Variants in MAMDC2 observed in about 807,000 individuals in gnomAD.
The protein encoded by MAMDC2 is MAM domain containing 2.
A neutral mutation model predicts 89.8 loss-of-function variants in MAMDC2; 57 were observed. That is an observed-to-expected ratio of 0.63 (90% CI 0.51 to 0.79). MAMDC2 has a LOEUF of 0.79. MAMDC2 is among the 30% of genes least tolerant of loss of function. The pLI is 0.00. For missense variants in MAMDC2, 800 were observed against 820.6 expected (o/e 0.97, Z 0.31); for synonymous variants, 313 against 293.4 (o/e 1.07, Z -0.68).
intron 11 of MAMDC2, among the ~76,000 whole-genome samples, chr9:70,210,345 A>G (rs189046907): frequency 1.4e-3 from 213 of 152,200 alleles, no homozygotes; most frequent in Admixed American, 3.1e-3. Flanking sequence ...TATATTTAGG[A>G]TAGTTAGTTC....
intron 4 of MAMDC2, among the ~76,000 whole-genome samples, chr9:70,111,383 C>T (rs184006086): frequency 1.3e-5 from 2 of 152,298 alleles, no homozygotes; most frequent in Admixed American, 6.5e-5. Context: ...GATGCCAACA[C>T]TTTTATCTTG....
At chr9:70,047,452 G>A (rs1470328954) in intron 2 of MAMDC2, among the ~76,000 whole-genome samples, 1 of 152,102 alleles carries the variant, frequency 6.6e-6, no homozygotes, top group Non-Finnish European at 1.5e-5. Flanking sequence ...AACATGAGGT[G>A]TTTGGTTTTC....
chr9:70,092,844 A>G (rs2118184170), intron 2 of MAMDC2: 1 of 152,116 alleles, frequency 6.6e-6, no homozygotes, highest in African/African-American at 2.4e-5. Context: ...CTTCATTTAA[A>G]CTCTTATTTC....
At chr9:70,201,867 G>C (rs1019642317) in intron 11 of MAMDC2, among the ~76,000 whole-genome samples, 2 of 136,684 alleles carry the variant, frequency 1.5e-5, no homozygotes, top group Admixed American at 1.5e-4. Flanking sequence ...TTCTCTGATG[G>C]TAGTTTGTAT....
chr9:70,064,894 A>C (rs901321466), intron 2 of MAMDC2, among the ~76,000 whole-genome samples: 1 of 152,206 alleles, frequency 6.6e-6, no homozygotes, highest in African/African-American at 2.4e-5. Flanking sequence ...TAGTTTGTCT[A>C]TATAACCTCG....
intron 11 of MAMDC2, among the ~76,000 whole-genome samples, chr9:70,180,762 C>G (rs1404923228): frequency 6.6e-6 from 1 of 152,120 alleles, no homozygotes; most frequent in East Asian, 1.9e-4. Flanking sequence ...AGATATTAGA[C>G]CTTTGTCAGA....
intron 11 of MAMDC2, among the ~76,000 whole-genome samples, chr9:70,177,549 A>G (rs1459037130): frequency 6.6e-6 from 1 of 152,178 alleles, no homozygotes; most frequent in Non-Finnish European, 1.5e-5. Context: ...TATATTGGAC[A>G]TTTACCACGT....
At chr9:70,219,608 G>T (rs2033519408) in intron 12 of MAMDC2, among the ~76,000 whole-genome samples, 1 of 152,202 alleles carries the variant, frequency 6.6e-6, no homozygotes, top group African/African-American at 2.4e-5. Flanking sequence ...TGGCCAAGTT[G>T]CAGTGCAGTC....
chr9:70,131,611 A>G lies in MAMDC2; in HGVS notation c.993A>G (p.Thr331=). ...CTCCTGTTCACTGCCAGAATCAGAC[A>G]GGTGAGCATTCTCTATTTGTCATTG... ...SFSPVHCQNQ[T]ELLFSAVEAS... Residue 331 remains threonine (T), a splice_region_variant and synonymous_variant, in exon 7 of 14, where the codon ACA becomes ACG. Transcript: ENST00000377182. 6.2e-7 allele frequency: 1 copy of G among 1,602,132 alleles called. No individual in the cohort carries two copies. The highest frequency in any genetic ancestry group is 8.5e-7 in the Non-Finnish European group (1 of 1,173,750).
intron 11 of MAMDC2, among the ~76,000 whole-genome samples, chr9:70,209,403 C>G (rs2033302367): frequency 1.3e-5 from 2 of 152,110 alleles, no homozygotes; most frequent in Non-Finnish European, 1.5e-5. Context: ...TCTAGATTTT[C>G]TAGTTTATTT....
intron 2 of MAMDC2, chr9:70,079,351 C>A (rs1827605051): frequency 1.3e-5 from 2 of 152,280 alleles, no homozygotes; most frequent in Non-Finnish European, 2.9e-5. Context: ...CACAGAAGCT[C>A]TCAAAGGGCT....
chr9:70,098,470 T>C (rs1226468962), intron 2 of MAMDC2, among the ~76,000 whole-genome samples: 1 of 152,230 alleles, frequency 6.6e-6, no homozygotes, highest in Non-Finnish European at 1.5e-5. Flanking sequence ...TTGTAAGACA[T>C]GCCCTAATTT....
intron 9 of MAMDC2, among the ~76,000 whole-genome samples, chr9:70,150,524 C>CTGTT: frequency 6.6e-6 from 1 of 152,182 alleles, no homozygotes; most frequent in Non-Finnish European, 1.5e-5. Flanking sequence ...CACAAGCTGG[C>CTGTT]TGTTTATCAA....
In MAMDC2 at chr9:70,072,695, A is replaced by G. The variant is rs185952731; in HGVS notation, c.148+27998A>G. Among the ~76,000 whole-genome samples the G allele has an allele frequency of 2.6e-5, 4 of 152,260 alleles. No homozygotes were observed. The East Asian group carries it at 7.7e-4, about 29-fold the overall frequency. On this transcript the variant is annotated intron_variant, in intron 2 of 13. Coordinates refer to ENST00000377182, the MANE Select transcript of MAMDC2 (RefSeq NM_153267.5). ...GGGAGTGTGGATTCTTCACCATGAGACTGTATTGTCTCTTTGAGCTAAATA... is the reference window on the plus strand; with the variant it reads ...GGGAGTGTGGATTCTTCACCATGAGGCTGTATTGTCTCTTTGAGCTAAATA...
At chr9:70,149,220 A>C (rs1312828520) in intron 9 of MAMDC2, among the ~76,000 whole-genome samples, 1 of 151,318 alleles carries the variant, frequency 6.6e-6, no homozygotes, top group East Asian at 1.9e-4. Flanking sequence ...AAAAAAAAAA[A>C]AAAAAGAAAT....
chr9:70,066,582 G>A (rs187987914), intron 2 of MAMDC2, among the ~76,000 whole-genome samples: 1 of 152,272 alleles, frequency 6.6e-6, no homozygotes, highest in Non-Finnish European at 1.5e-5. Flanking sequence ...AAGGGTTACT[G>A]CAGGGCCATG....
chr9:70,120,129 C>T (rs1434844582), intron 5 of MAMDC2, among the ~76,000 whole-genome samples: 1 of 152,162 alleles, frequency 6.6e-6, no homozygotes, highest in Non-Finnish European at 1.5e-5. Context: ...TAAATTGCCC[C>T]CTCAAACTCT....
intron 11 of MAMDC2, chr9:70,217,291 A>C (rs1307980236): frequency 3.8e-6 from 5 of 1,310,714 alleles, no homozygotes; most frequent in Non-Finnish European, 5.5e-6. Context: ...CGAGTTTCTT[A>C]ATGCGAAATG....
Position 70,226,037 on chromosome 9 carries a change from T to TCC in MAMDC2, c.*5_*6insCC. The TCC allele has an allele frequency of 6.6e-7, 1 of 1,526,156 alleles. No homozygotes were observed. Among genetic ancestry groups the TCC allele is most frequent in the Non-Finnish European group, 9.0e-7 (1 of 1,116,772 alleles). 94.5% of individuals were successfully genotyped at this position (1,526,156 alleles called of 1,614,324 possible). Reference sequence around the variant, plus strand: ...TTAAATGAAATTGAGTATTAAGAAATGATCTGCATTGGATTTACTAGACGA... The same window carrying TCC: ...TTAAATGAAATTGAGTATTAAGAAATCCGATCTGCATTGGATTTACTAGACGA... On this transcript the variant is annotated 3_prime_UTR_variant, in exon 14 of 14. Transcript: ENST00000377182.
Sources: allele counts gnomAD v4.1 joint callset (sites outside exome capture counted in the v4.1 genomes callset), GRCh38; gene constraint gnomAD v4.1.1; transcripts MANE v1.5; gene names NCBI Gene and HGNC (gene_info 2026-07-23, HGNC 2026-07-21).